Variants in PNPLA3 observed in about 807,000 individuals in gnomAD.
PNPLA3 encodes patatin like domain 3, 1-acylglycerol-3-phosphate O-acyltransferase, also known as 1-acylglycerol-3-phosphate O-acyltransferase PNPLA3.
Under a neutral mutation model 43.1 loss-of-function variants are expected in PNPLA3, and 42 were observed. That is an observed-to-expected ratio of 0.97 (90% CI 0.76 to 1.26). PNPLA3 has a LOEUF of 1.26. Ranked by LOEUF, PNPLA3 falls within the 50% of genes most tolerant of loss-of-function variation. The pLI is 0.00. For synonymous variants in PNPLA3, 272 were observed against 253.6 expected, an observed-to-expected ratio of 1.07 and a Z score of -0.69; for missense variants, 647 against 621.4, an observed-to-expected ratio of 1.04 and a Z score of -0.44.
At chr22:43,933,136 G>C (rs764314271) in intron 4 of PNPLA3, 49 bp downstream of exon 4, 37 of 1,540,114 alleles carry the variant, frequency 2.4e-5, no homozygotes, top group Non-Finnish European at 2.8e-5. Context: ...GCTCTTCTTT[G>C]CCTCCCTGAT....
chr22:43,927,593 G>T (rs1016138950), intron 2 of PNPLA3, among the ~76,000 whole-genome samples: 6 of 147,028 alleles, frequency 4.1e-5, no homozygotes, highest in Non-Finnish European at 1.5e-5. Flanking sequence ...CCAGTGATTT[G>T]GTCCATGTTT....
chr22:43,936,961 T>G, intron 5 of PNPLA3, 90 bp from the exon 6 acceptor site: 1 of 1,052,300 alleles, frequency 9.5e-7, no homozygotes, highest in Non-Finnish European at 1.4e-6. Context: ...ACAGGCCAGC[T>G]GCCTGCCTCC....
rs1041010212 is a variant in PNPLA3, at chr22:43,940,177, G to A, written c.1112+52G>A. On this transcript the variant is annotated intron_variant, in intron 7 of 8. Coordinates refer to ENST00000216180, the MANE Select transcript of PNPLA3 (RefSeq NM_025225.3). ...TTCCTCACAGGGTTGATATGAGGAT[G>A]AAACAAGATGATAGATCATGGTGGC... 12 of 1,561,192 alleles carry A rather than the reference G, an allele frequency of 7.7e-6. No homozygotes were observed. The African/African-American group carries it at 1.5e-4, about 19-fold the overall frequency.
chr22:43,934,697 C>T (rs1569012727), intron 5 of PNPLA3, 31 bp downstream of exon 5: 2 of 1,583,826 alleles, frequency 1.3e-6, no homozygotes, highest in Non-Finnish European at 1.7e-6. Context: ...TCAGCCATGC[C>T]CTTTTGACAA....
Position 43,937,101 on chromosome 22 carries a change from G to C in PNPLA3, c.808G>C (p.Asp270His), listed in dbSNP as rs775140437. Residue 270 changes from aspartate (D) to histidine (H), a missense_variant, in exon 6 of 9, where the codon GAT (aspartate) becomes CAT (histidine). Asp to His is a moderately conservative substitution (Grantham distance 81). Coordinates refer to ENST00000216180, the MANE Select transcript of PNPLA3 (RefSeq NM_025225.3). ...PGLKSSSEGMDPEVAMPSWAN... is the reference protein window; with the variant it reads ...PGLKSSSEGMHPEVAMPSWAN... ...CCTGAAGTCATCCTCAGAAGGGATG[G>C]ATCCTGAGGTCGCCATGCCCAGCTG... 2 of 1,613,974 alleles carry C rather than the reference G, an allele frequency of 1.2e-6. No individual in the cohort carries two copies. Among genetic ancestry groups the C allele is most frequent in the African/African-American group, 2.7e-5 (2 of 74,942 alleles).
chr22:43,946,122 G>T, intron 8 of PNPLA3, 32 bp from the exon 9 acceptor site: 1 of 1,600,456 alleles, frequency 6.2e-7, no homozygotes, highest in Non-Finnish European at 8.6e-7. Context: ...AGCGGGAACG[G>T]CCTCTAAGCC....
chr22:43,934,712 T>G (rs779962786), intron 5 of PNPLA3, 46 bp downstream of exon 5: 12 of 1,544,696 alleles, frequency 7.8e-6, no homozygotes, highest in Non-Finnish European at 9.8e-6. Context: ...TGACAAGCAT[T>G]TACTAGCGGT....
At position 43,934,605 on chromosome 22, in the gene PNPLA3, G is replaced by A. The variant is rs2049983108; in HGVS notation, c.697-1G>A. ...AGTCCCCTTGCTTGCTTTGCTCACA[G>A]GTGCTGGGAGAGATATGCCTTCGAG... On this transcript the variant is annotated splice_acceptor_variant, in intron 4 of 8. Coordinates refer to ENST00000216180, the MANE Select transcript of PNPLA3 (RefSeq NM_025225.3). LOFTEE classifies it high-confidence loss of function. 1 of 1,613,500 alleles carries A rather than the reference G, an allele frequency of 6.2e-7. No homozygotes were observed. The highest frequency in any genetic ancestry group is 2.2e-5 in the East Asian group (1 of 44,850).
At chr22:43,942,290 G>T (rs1220397399) in intron 7 of PNPLA3, among the ~76,000 whole-genome samples, 1 of 152,148 alleles carries the variant, frequency 6.6e-6, no homozygotes, top group African/African-American at 2.4e-5. Context: ...ATTTTTCTTG[G>T]CTTTTCCCTG....
At chr22:43,932,685 G>A (rs1279093505) in intron 3 of PNPLA3, among the ~76,000 whole-genome samples, 193 bp from the exon 4 acceptor site, 7 of 152,234 alleles carry the variant, frequency 4.6e-5, no homozygotes. Flanking sequence ...GAGAGCCAGA[G>A]TAGAGCCTGT....
Position 43,923,892 on chromosome 22 carries a change from C to T in PNPLA3, c.-20C>T, listed in dbSNP as rs546192782. ...CCCGACCCAGATCCTAACCCGCGCC[C>T]CCGCCCCGCCGCCGCCGCCATGTAC... On this transcript the variant is annotated 5_prime_UTR_variant, in exon 1 of 9. Coordinates refer to ENST00000216180, the MANE Select transcript of PNPLA3 (RefSeq NM_025225.3). The T allele has an allele frequency of 5.4e-6, 8 of 1,494,884 alleles. No individual in the cohort carries two copies. The Admixed American group carries it at 1.5e-4, about 28-fold the overall frequency. The allele number at this position is 1,494,884 out of a possible 1,614,324, so 92.6% of individuals were successfully genotyped here.
At chr22:43,927,490 G>C (rs1218923025) in intron 2 of PNPLA3, among the ~76,000 whole-genome samples, 1 of 140,770 alleles carries the variant, frequency 7.1e-6, no homozygotes. Flanking sequence ...ATGCTGTCTG[G>C]AAAAAAAAAA....
Position 43,937,113 on chromosome 22 carries a change from G to C in PNPLA3, c.820G>C (p.Ala274Pro), listed in dbSNP as rs201343851. ...SSSEGMDPEV[A>P]MPSWANMSLD... is the part of the protein sequence containing the mutation. ...CTCAGAAGGGATGGATCCTGAGGTC[G>C]CCATGCCCAGCTGGGCAAACATGAG... is the stretch of plus-strand genomic sequence containing the variant. Residue 274 changes from alanine (A) to proline (P), a missense_variant, in exon 6 of 9, where the codon GCC (alanine) becomes CCC (proline). Ala to Pro is a conservative substitution (Grantham distance 27, BLOSUM62 -1). Transcript: ENST00000216180. The C allele has an allele frequency of 2.2e-5, 35 of 1,613,964 alleles. No individual in the cohort carries two copies. The highest frequency in any genetic ancestry group is 2.6e-5 in the Non-Finnish European group (31 of 1,180,048).
chr22:43,940,534 C>T (rs1470289508), intron 7 of PNPLA3, among the ~76,000 whole-genome samples: 2 of 152,220 alleles, frequency 1.3e-5, no homozygotes, highest in South Asian at 2.1e-4. Context: ...TGAAGGCCGG[C>T]GCCGTGGCTC....
chr22:43,926,463 G>A (rs370079494), intron 1 of PNPLA3, among the ~76,000 whole-genome samples: 2 of 152,128 alleles, frequency 1.3e-5, no homozygotes, highest in African/African-American at 4.8e-5. Flanking sequence ...TCTATGTGGG[G>A]CATGGAGGTG....
intron 6 of PNPLA3, among the ~76,000 whole-genome samples, chr22:43,938,304 A>T (rs747751408): frequency 1.3e-5 from 2 of 152,242 alleles, no homozygotes; most frequent in African/African-American, 2.4e-5. Context: ...AGGTGCCCTA[A>T]GAGATGGGAC....
At position 43,933,107 on chromosome 22, in the gene PNPLA3, G is replaced by A. The variant is rs1464482724; in HGVS notation, c.696+20G>A. 2 of 1,607,486 alleles carry A rather than the reference G, an allele frequency of 1.2e-6. No homozygotes were observed. Among genetic ancestry groups the A allele is most frequent in the South Asian group, 1.1e-5 (1 of 90,878 alleles). The stretch of plus-strand genomic sequence containing the variant: ...CTCAAGGTGAGTTGGTGGTGAGGGG[G>A]CAGGTGTTCTGGGGTGCAGCTCTTC... On this transcript the variant is annotated intron_variant, in intron 4 of 8. Transcript: ENST00000216180.
In PNPLA3 at chr22:43,927,109, T is replaced by C; in HGVS notation, c.362T>C (p.Val121Ala). 3.7e-6 allele frequency: 6 copies of C among 1,614,118 alleles called. No individual in the cohort carries two copies. The highest frequency in any genetic ancestry group is 5.1e-6 in the Non-Finnish European group (6 of 1,180,020). Residue 121 changes from valine (V) to alanine (A), a missense_variant, in exon 2 of 9, where the codon GTG (valine) becomes GCG (alanine). Physicochemically the swap from Val to Ala is moderately conservative, Grantham distance 64. Coordinates refer to ENST00000216180, the MANE Select transcript of PNPLA3 (RefSeq NM_025225.3). ...SGKIGISLTR[V>A]SDGENVLVSD... ...AAAATAGGCATCTCTCTTACCAGAG[T>C]GTCTGATGGGGAAAACGTTCTGGTG... is the stretch of plus-strand genomic sequence containing the variant.
Position 43,932,872 on chromosome 22 carries a change from T to C in PNPLA3, c.487-6T>C. 1.9e-6 allele frequency: 3 copies of C among 1,613,990 alleles called. No homozygotes were observed. On this transcript the variant is annotated splice_region_variant and splice_polypyrimidine_tract_variant and intron_variant, in intron 3 of 8. Transcript: ENST00000216180. ...AGTGCCAGTCCTTTTTCCCCTTCTT[T>C]AAAAGCGATATGTGGATGGAGGAGT... is the stretch of plus-strand genomic sequence containing the variant.
Sources: allele counts gnomAD v4.1 joint callset (sites outside exome capture counted in the v4.1 genomes callset), GRCh38; gene constraint gnomAD v4.1.1; transcripts MANE v1.5; gene names NCBI Gene and HGNC (gene_info 2026-07-23, HGNC 2026-07-21).